The following DLAT variants were observed in gnomAD, a reference collection of about 807,000 sequenced individuals.
DLAT encodes the protein dihydrolipoamide S-acetyltransferase.
DLAT carries 43 observed loss-of-function variants against 68.0 expected under a neutral mutation model. That is an observed-to-expected ratio of 0.63 (90% CI 0.50 to 0.81). The LOEUF (loss-of-function observed/expected upper bound fraction) is 0.81. Among genes scored for constraint, DLAT ranks in the 40% least tolerant of loss-of-function variants. DLAT has a pLI of 0.00. For missense variants in DLAT, 745 were observed against 815.4 expected, an observed-to-expected ratio of 0.91 and a Z score of 1.05; for synonymous variants, 265 against 288.6, an observed-to-expected ratio of 0.92 and a Z score of 0.83.
chr11:112,036,216 T>G (rs1269575036), intron 5 of DLAT, among the ~76,000 whole-genome samples: 1,686 of 112,100 alleles, frequency 0.015, 37 homozygotes, highest in African/African-American at 0.058. Context: ...TTTTTTTTTT[T>G]TTTTTTTTTT....
At chr11:112,031,393 T>C (rs1477877321) in intron 4 of DLAT, among the ~76,000 whole-genome samples, 4 of 152,106 alleles carry the variant, frequency 2.6e-5, no homozygotes, top group African/African-American at 9.7e-5. Context: ...AAAACAGGGC[T>C]TTTTTTACCC....
At chr11:112,026,960 C>T (rs1862061843) in intron 2 of DLAT, among the ~76,000 whole-genome samples, 2 of 150,830 alleles carry the variant, frequency 1.3e-5, no homozygotes, top group Admixed American at 6.6e-5. Flanking sequence ...CCCCACTTCC[C>T]TCCCGGACGG....
intron 2 of DLAT, among the ~76,000 whole-genome samples, chr11:112,027,780 A>G (rs961581070): frequency 6.6e-6 from 1 of 152,136 alleles, no homozygotes; most frequent in Non-Finnish European, 1.5e-5. Context: ...CGTGCCTGCA[A>G]TCGCAGGCAC....
rs781981054 is a variant in DLAT, at chr11:112,025,741, C to T, written c.269C>T (p.Pro90Leu). 1 of 1,613,298 alleles carries T rather than the reference C, an allele frequency of 6.2e-7. No homozygotes were observed. Among genetic ancestry groups the T allele is most frequent in the Non-Finnish European group, 8.5e-7 (1 of 1,179,974 alleles). ...SPGRRYYSLP[P>L]HQKVPLPSLS... The stretch of plus-strand genomic sequence containing the variant: ...GGCCGCCGCTATTACAGTCTTCCCC[C>T]GCATCAGAAGGTGAGCCCTAGACCC... The change falls in exon 1 of 14, where the codon CCG (proline) becomes CTG (leucine). Residue 90 changes from proline to leucine, a missense_variant. Physicochemically the swap from Pro to Leu is moderately conservative, Grantham distance 98. Coordinates refer to ENST00000280346, the MANE Select transcript of DLAT (RefSeq NM_001931.5).
chr11:112,058,638 T>C (rs1384251555), intron 11 of DLAT, among the ~76,000 whole-genome samples: 1 of 134,732 alleles, frequency 7.4e-6, no homozygotes, highest in Admixed American at 7.4e-5. Context: ...GGGGGGGGAA[T>C]CACCTTTTTT....
chr11:112,036,163 A>G lies in DLAT; in HGVS notation c.788-1110A>G, dbSNP rs587717100. On this transcript the variant is annotated intron_variant, in intron 5 of 13. Transcript: ENST00000280346. ...TGTGTATATATATATATGTGTGTGT[A>G]TATATGTGTGTGTGTGTGTGTGTGT... Among the ~76,000 whole-genome samples, 404 of 101,898 alleles carry G rather than the reference A, an allele frequency of 4.0e-3. 2 individuals are homozygous for G. The highest frequency in any genetic ancestry group is 7.2e-3 in the Middle Eastern group (1 of 138). 66.8% of individuals were successfully genotyped at this position (101,898 alleles called of 152,430 possible).
At chr11:112,029,937 AT>A in intron 4 of DLAT, 1 of 812,798 alleles carries the variant, frequency 1.2e-6, no homozygotes, top group East Asian at 3.4e-5. Flanking sequence ...TCCATCAGTG[AT>A]TTTTCCAAAC....
At chr11:112,030,020 A>G in intron 4 of DLAT, 1 of 1,022,906 alleles carries the variant, frequency 9.8e-7, no homozygotes, top group South Asian at 1.2e-5. Flanking sequence ...TTGTACTGGG[A>G]CCGCTGTTTG....
rs993716606 is a variant in DLAT at position 112,063,375 on chromosome 11, G to A, written c.*840G>A. On this transcript the variant is annotated 3_prime_UTR_variant, in exon 14 of 14. Transcript: ENST00000280346. ...GTAGTTCATTGTAAATGAACATAAT[G>A]AACAGAATTTATGACTCCACTGTGG... 3.3e-5 allele frequency: 5 copies of A among 152,564 alleles called. No homozygotes were observed. The highest frequency in any genetic ancestry group is 6.8e-3 in the Middle Eastern group (2 of 294). The allele number at this position is 152,564 out of a possible 1,614,324, so 9.5% of individuals were successfully genotyped here.
In DLAT at chr11:112,028,583, TGC is replaced by T; in HGVS notation, c.451_452del (p.Ala151Ter). On this transcript the variant is annotated frameshift_variant, in exon 3 of 14. Transcript: ENST00000280346. LOFTEE classifies it high-confidence loss of function. ...EECYMAKILV[A>X]EGTRDVPIGA... ...AGTGTTATATGGCAAAGATACTTGT[TGC>T]TGAAGGTACCAGGGATGTTCCCATC... 6.2e-7 allele frequency: 1 copy of T among 1,614,174 alleles called. No homozygotes were observed. The highest frequency in any genetic ancestry group is 2.2e-5 in the East Asian group (1 of 44,890).
chr11:112,061,857 A>G (rs1050060571), intron 13 of DLAT, among the ~76,000 whole-genome samples: 12 of 152,198 alleles, frequency 7.9e-5, no homozygotes, highest in Non-Finnish European at 1.2e-4. Context: ...TGCTGGGATT[A>G]CAGGAATGAG....
At position 112,025,570 on chromosome 11, in the gene DLAT, G is replaced by A. The variant is rs2137674476; in HGVS notation, c.98G>A (p.Arg33Gln). Residue 33 changes from arginine to glutamine, a missense_variant, in exon 1 of 14, where the codon CGA becomes CAA. By Grantham distance (43) the Arg-to-Gln change is conservative. Transcript: ENST00000280346. ...TALQEVPGTP[R>Q]VTSRSGPAPA... ...TTGCAGGAGGTACCCGGAACTCCAC[G>A]AGTGACCTCGCGATCTGGCCCGGCT... The A allele has an allele frequency of 6.2e-7, 1 of 1,614,030 alleles. No individual in the cohort carries two copies. Among genetic ancestry groups the A allele is most frequent in the Non-Finnish European group, 8.5e-7 (1 of 1,179,996 alleles).
intron 9 of DLAT, 65 bp downstream of exon 9, chr11:112,045,295 C>A: frequency 7.5e-7 from 1 of 1,326,512 alleles, no homozygotes; most frequent in Non-Finnish European, 1.1e-6. Flanking sequence ...TAGTTGCTTC[C>A]ATAGTTTTTA....
Position 112,028,369 on chromosome 11 carries a change from A to C in DLAT, c.382-146A>C, listed in dbSNP as rs1339496087. Reference sequence around the variant, plus strand: ...GGGAGGGGGAGGTTGCAATGAGCCGAGATTGCACCACTGCACTCCAGCCTT... The same window carrying C: ...GGGAGGGGGAGGTTGCAATGAGCCGCGATTGCACCACTGCACTCCAGCCTT... On this transcript the variant is annotated intron_variant, in intron 2 of 13. Transcript: ENST00000280346. 4 of 902,682 alleles carry C rather than the reference A, an allele frequency of 4.4e-6. No homozygotes were observed. In the African/African-American group the frequency reaches 5.2e-5, roughly 12 times the overall value. The allele number at this position is 902,682 out of a possible 1,614,324, so 55.9% of individuals were successfully genotyped here.
intron 11 of DLAT, among the ~76,000 whole-genome samples, chr11:112,052,011 C>T (rs1012643500): frequency 1.1e-4 from 16 of 152,082 alleles, no homozygotes; most frequent in Non-Finnish European, 1.8e-4. Flanking sequence ...AAACAGACTC[C>T]GTGAGTTAAG....
At chr11:112,043,660 A>C (rs1863157984) in intron 8 of DLAT, 127 bp downstream of exon 8, 6 of 939,080 alleles carry the variant, frequency 6.4e-6, no homozygotes, top group Admixed American at 3.5e-5. Flanking sequence ...GTGGTTTAAT[A>C]ATACAGTCAT....
chr11:112,026,933 C>T (rs1379752327), intron 2 of DLAT, among the ~76,000 whole-genome samples: 5 of 148,590 alleles, frequency 3.4e-5, no homozygotes, highest in East Asian at 2.0e-4. Flanking sequence ...GGCAGCTGGC[C>T]AGGCGGGGGC....
intron 2 of DLAT, among the ~76,000 whole-genome samples, chr11:112,027,791 TCAGCAGG>T (rs1388435616): frequency 1.4e-5 from 2 of 146,752 alleles, no homozygotes; most frequent in Non-Finnish European, 3.0e-5. Flanking sequence ...TCGCAGGCAC[TCAGCAGG>T]CTGAGGCAGG....
At chr11:112,055,855 T>TG (rs1555182479) in intron 11 of DLAT, among the ~76,000 whole-genome samples, 1 of 81,276 alleles carries the variant, frequency 1.2e-5, no homozygotes, top group Non-Finnish European at 2.2e-5. Flanking sequence ...ACACTTTTTT[T>TG]TTTTTTTTTT....
Sources: allele counts gnomAD v4.1 joint callset (sites outside exome capture counted in the v4.1 genomes callset), GRCh38; gene constraint gnomAD v4.1.1; transcripts MANE v1.5; gene names NCBI Gene and HGNC (gene_info 2026-07-23, HGNC 2026-07-21).